FGD6: variants seen among roughly 807,000 people sequenced by gnomAD.
FGD6 encodes the protein FYVE, RhoGEF and PH domain containing 6.
In FGD6, 90 loss-of-function variants were observed where a neutral mutation model predicts 149.4. The observed-to-expected ratio is 0.60, with a 90% CI of 0.51 to 0.72. FGD6 has a LOEUF of 0.72. FGD6 is among the 30% of genes least tolerant of loss of function. The probability of loss-of-function intolerance (pLI) is 0.00; values close to 1 mark genes in which losing one functional copy is unlikely to be tolerated. For synonymous variants in FGD6, 527 were observed against 584.0 expected, an observed-to-expected ratio of 0.90 and a Z score of 1.41; for missense variants, 1,437 against 1,684.8, an observed-to-expected ratio of 0.85 and a Z score of 2.57.
At chr12:95,144,174 T>C (rs1433081199) in intron 5 of FGD6, among the ~76,000 whole-genome samples, 2 of 152,208 alleles carry the variant, frequency 1.3e-5, no homozygotes, top group African/African-American at 2.4e-5. Flanking sequence ...TGGCTGCCTC[T>C]AAATGGAGGC....
At chr12:95,169,287 A>C (rs549875939) in intron 3 of FGD6, among the ~76,000 whole-genome samples, 2 of 152,306 alleles carry the variant, frequency 1.3e-5, no homozygotes, top group African/African-American at 4.8e-5. Context: ...TGTCTGTAAC[A>C]CAATCACATA....
At chr12:95,208,429 C>T (rs1157624612) in intron 2 of FGD6, among the ~76,000 whole-genome samples, 2 of 152,004 alleles carry the variant, frequency 1.3e-5, no homozygotes, top group Non-Finnish European at 2.9e-5. Flanking sequence ...ACCTGATAAG[C>T]GCACCACACG....
intron 13 of FGD6, 49 bp from the exon 14 acceptor site, chr12:95,105,135 T>C: frequency 3.9e-6 from 6 of 1,529,384 alleles, no homozygotes; most frequent in Non-Finnish European, 5.3e-6. Flanking sequence ...CTGAAAACCA[T>C]ATCAATGAGC....
At chr12:95,149,931 GTATAT>G (rs914527668) in intron 5 of FGD6, among the ~76,000 whole-genome samples, 2 of 137,472 alleles carry the variant, frequency 1.5e-5, no homozygotes, top group East Asian at 2.1e-4. Flanking sequence ...ACAATACAAA[GTATAT>G]TATATATACT....
At chr12:95,141,115 C>T (rs558368382) in intron 6 of FGD6, among the ~76,000 whole-genome samples, 11 of 152,158 alleles carry the variant, frequency 7.2e-5, no homozygotes, top group Admixed American at 1.3e-4. Flanking sequence ...CCCAGCTACT[C>T]GGGAGGCTGA....
chr12:95,131,460 T>C (rs1289127835), intron 8 of FGD6, among the ~76,000 whole-genome samples: 1 of 152,088 alleles, frequency 6.6e-6, no homozygotes, highest in Non-Finnish European at 1.5e-5. Context: ...CTGAACAGCT[T>C]CAACATATCC....
chr12:95,198,992 T>G (rs1881797721), intron 2 of FGD6, among the ~76,000 whole-genome samples: 1 of 152,276 alleles, frequency 6.6e-6, no homozygotes, highest in African/African-American at 2.4e-5. Flanking sequence ...TGTGTTCATA[T>G]GCATCTGTGT....
intron 8 of FGD6, among the ~76,000 whole-genome samples, chr12:95,129,748 C>G (rs1181552413): frequency 6.6e-6 from 1 of 152,200 alleles, no homozygotes; most frequent in Non-Finnish European, 1.5e-5. Flanking sequence ...TCTCAGCTCA[C>G]TGCAACGTCC....
At chr12:95,150,031 C>CAT (rs1344768474) in intron 5 of FGD6, among the ~76,000 whole-genome samples, 1 of 121,298 alleles carries the variant, frequency 8.2e-6, no homozygotes, top group Non-Finnish European at 1.7e-5. Flanking sequence ...CACACACACA[C>CAT]ACTTTTTTTT....
At chr12:95,159,001 G>A (rs1361995725) in intron 3 of FGD6, among the ~76,000 whole-genome samples, 3 of 152,056 alleles carry the variant, frequency 2.0e-5, no homozygotes, top group African/African-American at 7.2e-5. Context: ...TCCCTTAAAG[G>A]TCAAGAGCGG....
chr12:95,141,719 A>C (rs1200636811), intron 5 of FGD6, among the ~76,000 whole-genome samples, 180 bp from the exon 6 acceptor site: 4 of 152,188 alleles, frequency 2.6e-5, no homozygotes, highest in Admixed American at 1.3e-4. Flanking sequence ...GGAAATTAAA[A>C]ATAAAAAATA....
intron 8 of FGD6, chr12:95,116,886 C>G (rs924423636): frequency 2.2e-6 from 1 of 455,978 alleles, no homozygotes; most frequent in Non-Finnish European, 4.4e-6. Context: ...TTAAGAATCA[C>G]CTGGGGCCTT....
chr12:95,093,690 A>T (rs533199045), intron 15 of FGD6, among the ~76,000 whole-genome samples: 1 of 150,682 alleles, frequency 6.6e-6, no homozygotes, highest in Non-Finnish European at 1.5e-5. Context: ...AAAAAAAAAA[A>T]ATACAAAAAT....
chr12:95,126,249 G>C (rs1306736704), intron 8 of FGD6: 2 of 1,295,474 alleles, frequency 1.5e-6, no homozygotes, highest in Non-Finnish European at 1.1e-6. Flanking sequence ...GATGACCGCT[G>C]TGGGCAAGAA....
chr12:95,119,140 T>C (rs1937136815), intron 8 of FGD6, among the ~76,000 whole-genome samples: 1 of 152,152 alleles, frequency 6.6e-6, no homozygotes, highest in South Asian at 2.1e-4. Context: ...TAGAAATGCT[T>C]ACTCTGCCTG....
intron 2 of FGD6, among the ~76,000 whole-genome samples, chr12:95,180,445 G>C (rs532666305): frequency 6.7e-6 from 1 of 149,322 alleles, no homozygotes; most frequent in Non-Finnish European, 1.5e-5. Context: ...CCAGGTTAGA[G>C]TGCAGTGGTG....
At chr12:95,111,894 G>A (rs776129695) in intron 9 of FGD6, among the ~76,000 whole-genome samples, 6 of 152,016 alleles carry the variant, frequency 3.9e-5, no homozygotes, top group Non-Finnish European at 8.8e-5. Flanking sequence ...CTACAAAAAG[G>A]GTTAAAAATG....
At chr12:95,168,530 G>A (rs1212745205) in intron 3 of FGD6, among the ~76,000 whole-genome samples, 2 of 152,080 alleles carry the variant, frequency 1.3e-5, no homozygotes, top group African/African-American at 4.8e-5. Flanking sequence ...GGGTGTAGTG[G>A]CGCATGCCTG....
Position 95,210,774 on chromosome 12 carries a change from A to G in FGD6, c.510T>C (p.Gly170=). The part of the protein sequence containing the change: ...DLYGEKAKNQ[G]GVVLKASVLE... ...AAACGCTTGCCTTTAAAACAACCCC[A>G]CCCTGGTTCTTGGCTTTTTCACCAT... Residue 170 remains glycine, a synonymous_variant, in exon 2 of 21, where the codon GGT becomes GGC. Transcript: ENST00000343958. 6.2e-7 allele frequency: 1 copy of G among 1,614,032 alleles called. No individual in the cohort carries two copies. Among genetic ancestry groups the G allele is most frequent in the South Asian group, 1.1e-5 (1 of 91,076 alleles).
Sources: allele counts gnomAD v4.1 joint callset (sites outside exome capture counted in the v4.1 genomes callset), GRCh38; gene constraint gnomAD v4.1.1; transcripts MANE v1.5; gene names NCBI Gene and HGNC (gene_info 2026-07-23, HGNC 2026-07-21).